KCNK5: variants seen among roughly 807,000 people sequenced by gnomAD.
KCNK5 encodes potassium channel subfamily K member 5.
In KCNK5, 18 loss-of-function variants were observed where a neutral mutation model predicts 32.9. The observed-to-expected ratio is 0.55, with a 90% CI of 0.38 to 0.81. The LOEUF (loss-of-function observed/expected upper bound fraction) is 0.81, where lower values mean the gene tolerates loss of function less well. Ranked by LOEUF, KCNK5 falls within the 30% of genes least tolerant of loss-of-function variation. KCNK5 has a pLI of 0.00. For missense variants in KCNK5, 507 were observed against 651.0 expected, an observed-to-expected ratio of 0.78 and a Z score of 2.41; for synonymous variants, 276 against 275.3, an observed-to-expected ratio of 1.00 and a Z score of -0.03.
chr6:39,200,481 T>C (rs148348720), intron 1 of KCNK5, among the ~76,000 whole-genome samples: 102 of 152,242 alleles, frequency 6.7e-4, no homozygotes, highest in African/African-American at 2.0e-3. Context: ...ATTTTGCAAC[T>C]GAGGATTTGA....
intron 1 of KCNK5, among the ~76,000 whole-genome samples, chr6:39,228,669 C>T (rs1771714748): frequency 6.6e-6 from 1 of 152,180 alleles, no homozygotes; most frequent in African/African-American, 2.4e-5. Context: ...GAGCCTAGTT[C>T]ACCCGGGAAT....
intron 1 of KCNK5, among the ~76,000 whole-genome samples, chr6:39,225,915 C>T (rs1771663921): frequency 6.6e-6 from 1 of 152,200 alleles, no homozygotes. Flanking sequence ...TAAAGAGTAC[C>T]TGAAATAAGG....
intron 1 of KCNK5, among the ~76,000 whole-genome samples, chr6:39,205,569 C>T (rs1237612358): frequency 6.6e-6 from 1 of 152,168 alleles, no homozygotes; most frequent in African/African-American, 2.4e-5. Context: ...GACACTGAGG[C>T]CTGGATTTGT....
At chr6:39,226,894 T>C (rs940644838) in intron 1 of KCNK5, among the ~76,000 whole-genome samples, 1 of 152,184 alleles carries the variant, frequency 6.6e-6, no homozygotes, top group East Asian at 1.9e-4. Context: ...CAAGAACTTA[T>C]CTATAATAGC....
intron 1 of KCNK5, among the ~76,000 whole-genome samples, chr6:39,217,594 A>C (rs1771465317): frequency 6.6e-6 from 1 of 152,218 alleles, no homozygotes; most frequent in African/African-American, 2.4e-5. Flanking sequence ...CAAGTTACAT[A>C]ACCTCCAAAG....
intron 1 of KCNK5, among the ~76,000 whole-genome samples, chr6:39,217,118 C>CAAAAAAAAAAAAAAAAAAAAAAAAAAAAA (rs57204833): frequency 4.0e-5 from 3 of 74,444 alleles, no homozygotes; most frequent in African/African-American, 9.1e-5. Flanking sequence ...AAAACTCCAT[C>CAAAAAAAAAAAAAAAAAAAAAAAAAAAAA]AAAAAAAAAA....
Position 39,190,632 on chromosome 6 carries a change from C to T in KCNK5, c.*258G>A, listed in dbSNP as rs1213430046. The T allele has an allele frequency of 5.2e-6, 2 of 381,164 alleles. No individual in the cohort carries two copies. Among genetic ancestry groups the T allele is most frequent in the Non-Finnish European group, 9.3e-6 (2 of 214,646 alleles). The allele number at this position is 381,164 out of a possible 1,614,324, so 23.6% of individuals were successfully genotyped here. On this transcript the variant is annotated 3_prime_UTR_variant, in exon 5 of 5. Coordinates refer to ENST00000359534, the MANE Select transcript of KCNK5 (RefSeq NM_003740.4). ...CCACCTGTCCCGCCAGCCAGCATGT[C>T]TTTGCATTGTGAGATACACCAGCCA...
At chr6:39,217,118 C>CAAAGAAA (rs1771451399) in intron 1 of KCNK5, among the ~76,000 whole-genome samples, 2 of 74,442 alleles carry the variant, frequency 2.7e-5, no homozygotes, top group African/African-American at 9.1e-5. Context: ...AAAACTCCAT[C>CAAAGAAA]AAAAAAAAAA....
At chr6:39,222,729 A>G (rs1771576318) in intron 1 of KCNK5, among the ~76,000 whole-genome samples, 1 of 152,210 alleles carries the variant, frequency 6.6e-6, no homozygotes, top group African/African-American at 2.4e-5. Context: ...CAGTAGTTCT[A>G]TTTTTAATTG....
At chr6:39,212,961 G>T (rs544522062) in intron 1 of KCNK5, among the ~76,000 whole-genome samples, 57 of 152,322 alleles carry the variant, frequency 3.7e-4, no homozygotes, top group African/African-American at 1.1e-3. Context: ...GCATCTCCCA[G>T]TCAGGTGTTC....
chr6:39,218,987 T>C (rs1771492962), intron 1 of KCNK5, among the ~76,000 whole-genome samples: 1 of 152,182 alleles, frequency 6.6e-6, no homozygotes, highest in Non-Finnish European at 1.5e-5. Flanking sequence ...CAGCAGTCCT[T>C]GAACAGGTCT....
At chr6:39,193,908 AGAG>A (rs1158383503) in intron 4 of KCNK5, among the ~76,000 whole-genome samples, 1 of 152,174 alleles carries the variant, frequency 6.6e-6, no homozygotes, top group Non-Finnish European at 1.5e-5. Context: ...GAACTGAGGG[AGAG>A]GAGATCAGAG....
chr6:39,201,486 G>A (rs1439734514), intron 1 of KCNK5, among the ~76,000 whole-genome samples: 5 of 151,904 alleles, frequency 3.3e-5, no homozygotes, highest in Non-Finnish European at 7.4e-5. Flanking sequence ...CCTGACCTCC[G>A]GTGATCCACC....
intron 4 of KCNK5, among the ~76,000 whole-genome samples, chr6:39,192,283 CAA>C (rs1226626372): frequency 8.9e-3 from 417 of 46,600 alleles, no homozygotes; most frequent in Middle Eastern, 0.045. Context: ...GACTCCGTCT[CAA>C]AAAAAAAAAA....
chr6:39,218,583 G>C lies in KCNK5; in HGVS notation c.186+10343C>G, dbSNP rs1583719889. On this transcript the variant is annotated intron_variant, in intron 1 of 4. Coordinates refer to ENST00000359534, the MANE Select transcript of KCNK5 (RefSeq NM_003740.4). ...ACCTCCCAGAGTCAGGCCCACAAAA[G>C]TCATAGAAGGGAGGTCTCAGAAGAA... is the stretch of plus-strand genomic sequence containing the variant. 2.0e-5 allele frequency among the ~76,000 whole-genome samples: 3 copies of C among 152,132 alleles called. No individual in the cohort carries two copies. In the South Asian group the frequency reaches 6.2e-4, roughly 32 times the overall value.
At chr6:39,196,874 C>T (rs911132492) in intron 1 of KCNK5, among the ~76,000 whole-genome samples, 10 of 152,206 alleles carry the variant, frequency 6.6e-5, no homozygotes, top group South Asian at 6.2e-4. Context: ...CTGGAGAGTG[C>T]GAGGAGCGGT....
chr6:39,222,322 C>T (rs776381908), intron 1 of KCNK5, among the ~76,000 whole-genome samples: 1 of 152,190 alleles, frequency 6.6e-6, no homozygotes, highest in African/African-American at 2.4e-5. Context: ...GGAAAACCCA[C>T]ACTACATCAC....
Position 39,190,850 on chromosome 6 carries a change from G to A in KCNK5, c.*40C>T, listed in dbSNP as rs1193045613. The A allele has an allele frequency of 5.5e-6, 8 of 1,448,872 alleles. No individual in the cohort carries two copies. The highest frequency in any genetic ancestry group is 1.4e-5 in the African/African-American group (1 of 69,872). The allele number at this position is 1,448,872 out of a possible 1,614,324, so 89.8% of individuals were successfully genotyped here. A position where few individuals can be genotyped will look rare whatever the true frequency, so the allele number is the denominator to read the frequency against. On this transcript the variant is annotated 3_prime_UTR_variant, in exon 5 of 5. Transcript: ENST00000359534. ...CTCGGGACACCCTAGGGTGAGGGGG[G>A]AAGAGGCCATCAAAGGTGGGGTGGG...
intron 1 of KCNK5, among the ~76,000 whole-genome samples, chr6:39,200,174 C>T (rs879700249): frequency 3.9e-5 from 6 of 152,192 alleles, no homozygotes; most frequent in African/African-American, 1.2e-4. Flanking sequence ...CGGGAGGAGG[C>T]GGCCCCTGTT....
Sources: gnomAD v4.1 joint callset for allele counts (sites outside exome capture counted in the v4.1 genomes callset) on GRCh38, gnomAD v4.1.1 for gene constraint, MANE v1.5 for transcripts, NCBI Gene and HGNC (gene_info 2026-07-23, HGNC 2026-07-21) for gene names.